The following RABGEF1 variants were observed in gnomAD, a reference collection of about 807,000 sequenced individuals.
RABGEF1 encodes the protein rab5 GDP/GTP exchange factor.
RABGEF1 carries 26 observed loss-of-function variants against 57.3 expected under a neutral mutation model. The ratio of observed to expected loss-of-function variants is 0.45; its 90% CI spans 0.33 to 0.63. The LOEUF (loss-of-function observed/expected upper bound fraction) is 0.63, where lower values mean the gene tolerates loss of function less well. Among genes scored for constraint, RABGEF1 ranks in the 20% least tolerant of loss-of-function variants. RABGEF1 has a pLI of 0.02. For synonymous variants in RABGEF1, 185 were observed against 210.7 expected (o/e 0.88, Z 1.06); for missense variants, 464 against 607.6 (o/e 0.76, Z 2.48).
intron 1 of RABGEF1, among the ~76,000 whole-genome samples, chr7:66,688,256 C>T (rs1009270269): frequency 2.0e-5 from 3 of 152,058 alleles, no homozygotes; most frequent in African/African-American, 7.2e-5. Context: ...CACCTAACAA[C>T]AGAGCACCAA....
At chr7:66,792,744 G>A (rs188332515) in intron 4 of RABGEF1, among the ~76,000 whole-genome samples, 161 of 152,296 alleles carry the variant, frequency 1.1e-3, no homozygotes, top group African/African-American at 3.6e-3. Flanking sequence ...ATAAAGGGAG[G>A]AATGGTAATA....
upstream of RABGEF1, among the ~76,000 whole-genome samples, chr7:66,737,093 CGAGA>C (rs141745026): frequency 3.8e-3 from 484 of 127,296 alleles, 1 homozygote; most frequent in African/African-American, 0.011. Context: ...AGAGCGAGAG[CGAGA>C]GAGAGAGAGA....
intron 2 of RABGEF1, among the ~76,000 whole-genome samples, chr7:66,724,854 T>A (rs1452660080): frequency 1.2e-4 from 19 of 152,218 alleles, no homozygotes; most frequent in Non-Finnish European, 2.5e-4. Flanking sequence ...TTTGGCTTGC[T>A]TTTTTCCCTT....
At chr7:66,657,583 G>T in the RABGEF1 span, among the ~76,000 whole-genome samples, 1 of 152,236 alleles carries the variant, frequency 6.6e-6, no homozygotes, top group Admixed American at 6.5e-5. Flanking sequence ...TATTTTGGGA[G>T]GCTGAAGCGG....
At chr7:66,700,172 G>A (rs1412434244) in intron 1 of RABGEF1, among the ~76,000 whole-genome samples, 1 of 152,190 alleles carries the variant, frequency 6.6e-6, no homozygotes, top group Non-Finnish European at 1.5e-5. Flanking sequence ...TCCAGCCCTG[G>A]TTCATTCTGG....
intron 7 of RABGEF1, among the ~76,000 whole-genome samples, chr7:66,802,000 C>T (rs187814947): frequency 6.6e-6 from 1 of 152,314 alleles, no homozygotes; most frequent in African/African-American, 2.4e-5. Context: ...GCCTTGACCT[C>T]ACAGGCTCAA....
In RABGEF1 at chr7:66,787,186, C is replaced by G. The variant is rs545522838; in HGVS notation, c.513+3345C>G. ...GGATTACATGCATGTGCCACCATGCCCAGATAATTTTTACTTTTTTTTTTT... is the reference window on the plus strand; with the variant it reads ...GGATTACATGCATGTGCCACCATGCGCAGATAATTTTTACTTTTTTTTTTT... On this transcript the variant is annotated intron_variant, in intron 4 of 8. Coordinates refer to ENST00000284957, the MANE Select transcript of RABGEF1 (RefSeq NM_014504.3). 2.1e-4 allele frequency among the ~76,000 whole-genome samples: 32 copies of G among 151,600 alleles called. No individual in the cohort carries two copies. The South Asian group carries it at 6.5e-3, about 31-fold the overall frequency.
chr7:66,788,350 G>A (rs572856008), intron 4 of RABGEF1, among the ~76,000 whole-genome samples: 4 of 151,722 alleles, frequency 2.6e-5, no homozygotes, highest in East Asian at 3.9e-4. Flanking sequence ...GAGGCTGAGG[G>A]AGAAGAATCA....
upstream of RABGEF1, among the ~76,000 whole-genome samples, chr7:66,679,842 C>T (rs1010090623): frequency 2.6e-5 from 4 of 152,042 alleles, no homozygotes; most frequent in East Asian, 1.9e-4. Flanking sequence ...CCAGCCAGGG[C>T]GACATGGCAA....
the RABGEF1 span, among the ~76,000 whole-genome samples, chr7:66,661,298 C>A: frequency 6.2e-3 from 482 of 77,822 alleles, no homozygotes; most frequent in Middle Eastern, 0.012. Context: ...GACTCCATCT[C>A]AAAAAAAAAA....
rs1302196234 is a variant in RABGEF1 at position 66,726,714 on chromosome 7, G to T, written c.-814-13282G>T. Among the ~76,000 whole-genome samples, 5 of 152,070 alleles carry T rather than the reference G, an allele frequency of 3.3e-5. 1 individual carries two copies. The highest frequency in any genetic ancestry group is 6.8e-3 in the Middle Eastern group (2 of 294). On this transcript the variant is annotated intron_variant and NMD_transcript_variant, in intron 2 of 9. Coordinates refer to the RABGEF1 transcript ENST00000607882. ...CAGGATAATGAAATGGTCTAAAATG[G>T]ACTGCGAGGTCAGGTGCGGTGGCTC...
intron 2 of RABGEF1, among the ~76,000 whole-genome samples, chr7:66,718,122 C>A (rs1226434072): frequency 2.0e-5 from 3 of 152,086 alleles, no homozygotes; most frequent in Non-Finnish European, 4.4e-5. Context: ...GCGGGCAGAT[C>A]ACCTGAGGCC....
intron 4 of RABGEF1, among the ~76,000 whole-genome samples, chr7:66,793,090 C>G (rs1477246595): frequency 1.3e-5 from 2 of 152,054 alleles, no homozygotes; most frequent in East Asian, 3.9e-4. Context: ...TCCCTTGACA[C>G]CAGTAAGACA....
Position 66,783,781 on chromosome 7 carries a change from G to C in RABGEF1, c.453G>C (p.Lys151Asn). The C allele has an allele frequency of 1.9e-6, 3 of 1,613,620 alleles. No individual in the cohort carries two copies. The highest frequency in any genetic ancestry group is 2.5e-6 in the Non-Finnish European group (3 of 1,179,706). ...EFIEFLKTFH[K>N]TGQEIYKQTK... Reference sequence around the variant, plus strand: ...TAGAATTTCTCAAGACCTTCCACAAGACAGGCCAAGAAATCTATAAACAGA... The same window carrying C: ...TAGAATTTCTCAAGACCTTCCACAACACAGGCCAAGAAATCTATAAACAGA... The change falls in exon 4 of 9, where the codon AAG becomes AAC. Residue 151 changes from lysine (K) to asparagine (N), a missense_variant. Physicochemically the swap from Lys to Asn is moderately conservative, Grantham distance 94. Transcript: ENST00000284957.
At chr7:66,685,381 A>C (rs776717765) in intron 1 of RABGEF1, among the ~76,000 whole-genome samples, 1 of 152,058 alleles carries the variant, frequency 6.6e-6, no homozygotes, top group Admixed American at 6.6e-5. Flanking sequence ...GAGGCCAGGC[A>C]TGTTGGCTCA....
upstream of RABGEF1, among the ~76,000 whole-genome samples, chr7:66,739,476 A>G (rs1585059186): frequency 1.3e-5 from 2 of 151,148 alleles, no homozygotes; most frequent in East Asian, 4.0e-4. Context: ...CAACATGGTG[A>G]AACCCTGTCT....
chr7:66,718,009 C>A (rs554735595), intron 2 of RABGEF1, among the ~76,000 whole-genome samples: 2 of 152,016 alleles, frequency 1.3e-5, no homozygotes, highest in Admixed American at 6.6e-5. Context: ...TATTTTCCTG[C>A]TGAGGGTTTC....
At chr7:66,793,957 A>G (rs1229335963) in intron 4 of RABGEF1, among the ~76,000 whole-genome samples, 1 of 152,076 alleles carries the variant, frequency 6.6e-6, no homozygotes, top group Non-Finnish European at 1.5e-5. Flanking sequence ...ATGTTCTTCT[A>G]CTGTGACATC....
At chr7:66,717,895 C>T (rs1334082110) in intron 2 of RABGEF1, among the ~76,000 whole-genome samples, 3 of 152,092 alleles carry the variant, frequency 2.0e-5, no homozygotes, top group South Asian at 2.1e-4. Flanking sequence ...GCTCTTTCTT[C>T]GGTCATGCAC....
Sources: allele counts gnomAD v4.1 joint callset (sites outside exome capture counted in the v4.1 genomes callset), GRCh38; gene constraint gnomAD v4.1.1; transcripts MANE v1.5; gene names NCBI Gene and HGNC (gene_info 2026-07-23, HGNC 2026-07-21).